FER: variants seen among roughly 807,000 people sequenced by gnomAD.
The protein encoded by FER is tyrosine-protein kinase Fer.
A neutral mutation model predicts 111.0 loss-of-function variants in FER; 63 were observed. That is an observed-to-expected ratio of 0.57 (90% CI 0.46 to 0.70). FER has a LOEUF of 0.70. Among genes scored for constraint, FER ranks in the 30% least tolerant of loss-of-function variants. The probability of loss-of-function intolerance (pLI) is 0.00; values close to 1 mark genes in which losing one functional copy is unlikely to be tolerated. For synonymous variants in FER, 327 were observed against 313.9 expected (o/e 1.04, Z -0.44); for missense variants, 914 against 954.0 (o/e 0.96, Z 0.55).
At chr5:108,860,020 C>T (rs922512827) in intron 5 of FER, among the ~76,000 whole-genome samples, 8 of 151,514 alleles carry the variant, frequency 5.3e-5, no homozygotes, top group African/African-American at 1.9e-4. Context: ...CGGCTCACTG[C>T]AACCTCCACC....
chr5:108,968,000 A>G (rs1760122741), intron 13 of FER, among the ~76,000 whole-genome samples: 2 of 151,994 alleles, frequency 1.3e-5, no homozygotes, highest in South Asian at 2.1e-4. Context: ...CTGCTATCAC[A>G]TAGATTGTGG....
At chr5:109,109,062 T>C (rs571060547) in intron 17 of FER, among the ~76,000 whole-genome samples, 8 of 152,152 alleles carry the variant, frequency 5.3e-5, no homozygotes, top group African/African-American at 1.9e-4. Context: ...AACTCTGATA[T>C]CTATTAAGTG....
At chr5:108,814,623 A>G (rs1758092689) in intron 3 of FER, among the ~76,000 whole-genome samples, 1 of 152,224 alleles carries the variant, frequency 6.6e-6, no homozygotes, top group South Asian at 2.1e-4. Flanking sequence ...TCGGGGTATT[A>G]GGACACTCCT....
At chr5:108,762,047 A>G (rs1201066614) in intron 1 of FER, among the ~76,000 whole-genome samples, 1 of 152,056 alleles carries the variant, frequency 6.6e-6, no homozygotes, top group Non-Finnish European at 1.5e-5. Flanking sequence ...AGTAGCTGGG[A>G]CTATAGGTGT....
chr5:109,180,927 TA>T (rs757329905), intron 18 of FER, 26 bp downstream of exon 18: 4 of 1,547,420 alleles, frequency 2.6e-6, no homozygotes, highest in African/African-American at 2.8e-5. Flanking sequence ...ATTTTTTTTT[TA>T]ATGGTAAAAA....
In FER at chr5:109,159,271, G is replaced by A. The variant is rs146697050; in HGVS notation, c.2049-21476G>A. On this transcript the variant is annotated intron_variant, in intron 17 of 19. Coordinates refer to ENST00000281092, the MANE Select transcript of FER (RefSeq NM_005246.4). ...TAAAAACCCTACTCTTCTTTCAAGC[G>A]GCTCAACTTAGTCTTTCCTTCACAG... Among the ~76,000 whole-genome samples the A allele has an allele frequency of 2.7e-3, 415 of 152,130 alleles. 4 individuals are homozygous for A. The highest frequency in any genetic ancestry group is 8.1e-3 in the African/African-American group (337 of 41,526).
chr5:109,092,728 A>G (rs553827822), intron 16 of FER, among the ~76,000 whole-genome samples: 1 of 152,286 alleles, frequency 6.6e-6, no homozygotes, highest in Non-Finnish European at 1.5e-5. Context: ...AACTGGAACT[A>G]CCATATAATC....
At chr5:108,819,603 TTAA>T (rs1019224033) in intron 3 of FER, among the ~76,000 whole-genome samples, 6 of 152,144 alleles carry the variant, frequency 3.9e-5, no homozygotes, top group African/African-American at 1.4e-4. Flanking sequence ...GTTGGTAATA[TTAA>T]TAAGTGAAGC....
chr5:108,853,025 G>C lies in FER; in HGVS notation c.482-14742G>C, dbSNP rs1027981371. Among the ~76,000 whole-genome samples, 6 of 152,162 alleles carry C rather than the reference G, an allele frequency of 3.9e-5. No homozygotes were observed. In the South Asian group the frequency reaches 1.2e-3, roughly 32 times the overall value. On this transcript the variant is annotated intron_variant, in intron 5 of 19. Coordinates refer to ENST00000281092, the MANE Select transcript of FER (RefSeq NM_005246.4). ...TCTACACATGAAAAACTTAAGAGAA[G>C]TTCTGTCTTTTTGCTAATTATCTTC...
At chr5:109,037,985 T>C (rs1481662393) in intron 14 of FER, among the ~76,000 whole-genome samples, 1 of 151,882 alleles carries the variant, frequency 6.6e-6, no homozygotes, top group Non-Finnish European at 1.5e-5. Context: ...TGTTTCAATA[T>C]AAATATTAAT....
At chr5:108,865,364 T>A (rs932014190) in intron 5 of FER, among the ~76,000 whole-genome samples, 4 of 152,182 alleles carry the variant, frequency 2.6e-5, no homozygotes, top group African/African-American at 9.6e-5. Context: ...CCTGCCTGAT[T>A]GCCCTGGCCA....
intron 3 of FER, among the ~76,000 whole-genome samples, chr5:108,814,874 T>G (rs953292640): frequency 2.6e-5 from 4 of 152,182 alleles, no homozygotes; most frequent in African/African-American, 9.6e-5. Context: ...TTCTTTTCTT[T>G]TTTTGTTCGT....
At chr5:109,077,857 T>C (rs953548057) in intron 16 of FER, among the ~76,000 whole-genome samples, 3 of 152,184 alleles carry the variant, frequency 2.0e-5, no homozygotes, top group Non-Finnish European at 4.4e-5. Flanking sequence ...TTCAAACCCA[T>C]ATAATTAGTT....
intron 10 of FER, among the ~76,000 whole-genome samples, chr5:108,915,472 A>G (rs1327487830): frequency 6.6e-6 from 1 of 152,128 alleles, no homozygotes; most frequent in Admixed American, 6.5e-5. Context: ...AAAAACAAAA[A>G]CAAAAAACAA....
At chr5:109,139,463 G>T (rs1008494232) in intron 17 of FER, among the ~76,000 whole-genome samples, 1 of 149,168 alleles carries the variant, frequency 6.7e-6, no homozygotes, top group Non-Finnish European at 1.5e-5. Flanking sequence ...CCATTCTCCT[G>T]CTACTTCTCC....
rs565167586 is a variant in FER at position 108,772,593 on chromosome 5, C to A, written c.-60+4355C>A. ...TCTTTGTTTAAATTCCCTGAGATAG[C>A]TGGAGATAACATTGTCATTTCCAAG... On this transcript the variant is annotated intron_variant, in intron 2 of 19. Transcript: ENST00000281092. 2.0e-5 allele frequency among the ~76,000 whole-genome samples: 3 copies of A among 152,044 alleles called. No homozygotes were observed. The East Asian group carries it at 5.8e-4, about 29-fold the overall frequency.
chr5:109,055,961 A>G (rs981394179), intron 16 of FER, among the ~76,000 whole-genome samples: 2 of 152,182 alleles, frequency 1.3e-5, no homozygotes, highest in African/African-American at 4.8e-5. Flanking sequence ...AAAATGGCCG[A>G]CAGATATACG....
intron 8 of FER, among the ~76,000 whole-genome samples, chr5:108,880,737 A>G (rs1303952075): frequency 6.6e-6 from 1 of 152,030 alleles, no homozygotes; most frequent in South Asian, 2.1e-4. Flanking sequence ...ATATATATAT[A>G]TGATTAAAGA....
chr5:108,864,676 G>A (rs999081104), intron 5 of FER, among the ~76,000 whole-genome samples: 1 of 152,088 alleles, frequency 6.6e-6, no homozygotes, highest in African/African-American at 2.4e-5. Flanking sequence ...GTAGATATGC[G>A]GCATTATTTC....
Sources: allele counts gnomAD v4.1 joint callset (sites outside exome capture counted in the v4.1 genomes callset), GRCh38; gene constraint gnomAD v4.1.1; transcripts MANE v1.5; gene names NCBI Gene and HGNC (gene_info 2026-07-23, HGNC 2026-07-21).